Variants in ZFP64 observed in about 807,000 individuals in gnomAD.
ZFP64 encodes the protein ZFP64 zinc finger protein.
A neutral mutation model predicts 51.6 loss-of-function variants in ZFP64; 14 were observed. The ratio of observed to expected loss-of-function variants is 0.27; its 90% CI spans 0.18 to 0.42. The LOEUF is 0.42. ZFP64 is among the 10% of genes least tolerant of loss of function. The pLI, the probability that ZFP64 is intolerant of heterozygous loss-of-function variation, is 1.00. For missense variants in ZFP64, 754 were observed against 906.8 expected (o/e 0.83, Z 2.16); for synonymous variants, 375 against 361.4 (o/e 1.04, Z -0.43).
At chr20:52,157,239 C>A (rs769641983) in intron 5 of ZFP64, among the ~76,000 whole-genome samples, 1 of 152,158 alleles carries the variant, frequency 6.6e-6, no homozygotes, top group Non-Finnish European at 1.5e-5. Flanking sequence ...CTAAAACCCA[C>A]AGAAGGTTAA....
intron 5 of ZFP64, chr20:52,110,263 T>C: frequency 3.1e-6 from 1 of 322,412 alleles, no homozygotes; most frequent in Non-Finnish European, 5.6e-6. Context: ...ACCCCTTATA[T>C]TTCACAAAGG....
rs2123002230 is a variant in ZFP64, at chr20:52,160,805, C to T, written c.512-431G>A. Reference sequence around the variant, plus strand: ...CTCACCAGGGAAAGATTACACTTCTCAGCCTCGCCTGCAGCTAGCTGTGAT... The same window carrying T: ...CTCACCAGGGAAAGATTACACTTCTTAGCCTCGCCTGCAGCTAGCTGTGAT... On this transcript the variant is annotated intron_variant, in intron 4 of 5. Transcript: ENST00000216923. The surrounding 1 kb of genome is among the most constrained non-coding windows in gnomAD (Gnocchi z 4.2). Among the ~76,000 whole-genome samples the T allele has an allele frequency of 6.6e-6, 1 of 152,328 alleles. No individual in the cohort carries two copies. Among genetic ancestry groups the T allele is most frequent in the South Asian group, 2.1e-4 (1 of 4,826 alleles).
intron 5 of ZFP64, among the ~76,000 whole-genome samples, chr20:52,122,971 C>T (rs1169592871): frequency 6.8e-6 from 1 of 147,658 alleles, no homozygotes; most frequent in Non-Finnish European, 1.5e-5. Flanking sequence ...GATAAAGTAG[C>T]AGCAGGGTTT....
At chr20:52,140,644 C>A (rs1261780624) in intron 5 of ZFP64, among the ~76,000 whole-genome samples, 2 of 152,300 alleles carry the variant, frequency 1.3e-5, no homozygotes, top group South Asian at 2.1e-4. Flanking sequence ...AAGAAAGAAG[C>A]CATCTCCACA....
chr20:52,099,348 C>G (rs1727346784), intron 5 of ZFP64, among the ~76,000 whole-genome samples: 1 of 151,134 alleles, frequency 6.6e-6, no homozygotes, highest in Admixed American at 6.6e-5. Flanking sequence ...GATGCTTACT[C>G]TGGATTTCTG....
At chr20:52,150,225 T>C (rs1568677627), downstream of ZFP64, among the ~76,000 whole-genome samples, 2 of 149,488 alleles carry the variant, frequency 1.3e-5, no homozygotes, top group African/African-American at 4.9e-5. Context: ...AAAAGACTGA[T>C]AGGAAGTCCA....
At chr20:52,173,006 G>A (rs548296577) in intron 2 of ZFP64, among the ~76,000 whole-genome samples, 1 of 152,196 alleles carries the variant, frequency 6.6e-6, no homozygotes, top group East Asian at 1.9e-4. Flanking sequence ...ACTGTTATAT[G>A]AATTTCATGA....
intron 6 of ZFP64, among the ~76,000 whole-genome samples, chr20:52,098,141 C>G (rs1430501816): frequency 1.4e-5 from 2 of 147,916 alleles, no homozygotes; most frequent in African/African-American, 5.1e-5. Flanking sequence ...CCATTGCACT[C>G]CAGCCTGGGC....
At position 52,152,373 on chromosome 20, in the gene ZFP64, A is replaced by T. The variant is rs1980888344; in HGVS notation, c.1819T>A (p.Ser607Thr). ...GSGNQTFITS[S>T]GITCTDFEGL... is the part of the protein sequence containing the mutation. Reference sequence around the variant, plus strand: ...TCAAAGTCAGTGCAAGTAATACCCGAACTGGTAATGAAAGTTTGATTGCCA... The same window carrying T: ...TCAAAGTCAGTGCAAGTAATACCCGTACTGGTAATGAAAGTTTGATTGCCA... Residue 607 changes from serine to threonine, a missense_variant, in exon 6 of 6, where the codon TCG becomes ACG. Physicochemically the swap from Ser to Thr is moderately conservative, Grantham distance 58. Coordinates refer to ENST00000216923, the MANE Select transcript of ZFP64 (RefSeq NM_018197.3). 1 of 1,614,058 alleles carries T rather than the reference A, an allele frequency of 6.2e-7. No individual in the cohort carries two copies. Among genetic ancestry groups the T allele is most frequent in the Non-Finnish European group, 8.5e-7 (1 of 1,180,040 alleles).
intron 5 of ZFP64, among the ~76,000 whole-genome samples, chr20:52,108,711 T>C (rs953258392): frequency 1.3e-5 from 2 of 152,134 alleles, no homozygotes; most frequent in African/African-American, 4.8e-5. Flanking sequence ...GTTTTCACCA[T>C]GTCGGCCAGG....
chr20:52,088,355 A>T lies in ZFP64; in HGVS notation c.1228+37T>A, dbSNP rs769133483. The T allele has an allele frequency of 8.8e-6, 14 of 1,599,546 alleles. No individual in the cohort carries two copies. In the African/African-American group the frequency reaches 1.6e-4, roughly 18 times the overall value. On this transcript the variant is annotated intron_variant, in intron 8 of 8. Transcript: ENST00000361387. ...AAATGAAGGTTAAGAAATTAGAGAA[A>T]AAGTAAGGGATTGAGGTTTCCTGGT...
chr20:52,187,118 G>T, intron 1 of ZFP64, 47 bp from the exon 2 acceptor site: 1 of 1,567,076 alleles, frequency 6.4e-7, no homozygotes, highest in East Asian at 2.3e-5. Flanking sequence ...AAACAGCTTT[G>T]AATTGTAATG....
intron 2 of ZFP64, among the ~76,000 whole-genome samples, chr20:52,176,202 G>C (rs1007741363): frequency 4.6e-5 from 7 of 151,980 alleles, no homozygotes; most frequent in Non-Finnish European, 2.9e-5. Context: ...CCAAGAGTCC[G>C]AGTCCAACCT....
At chr20:52,102,472 A>G (rs1417083509) in intron 5 of ZFP64, among the ~76,000 whole-genome samples, 3 of 152,090 alleles carry the variant, frequency 2.0e-5, no homozygotes, top group African/African-American at 4.8e-5. Context: ...GCAGGACTGG[A>G]AGTTTTCAGC....
intron 7 of ZFP64, among the ~76,000 whole-genome samples, chr20:52,090,454 C>G (rs2208006): frequency 0.76 from 116,153 of 152,026 alleles, 44,394 homozygotes; most frequent in East Asian, 0.9. Flanking sequence ...TGAGAAAATA[C>G]TACAATGGAA....
At chr20:52,165,577 C>A in intron 3 of ZFP64, 1 of 593,090 alleles carries the variant, frequency 1.7e-6, no homozygotes. Flanking sequence ...TACTGGATAT[C>A]TTCCTAAGCT....
chr20:52,142,380 A>ACACACACACACACGCG (rs1177138816), intron 5 of ZFP64, among the ~76,000 whole-genome samples: 838 of 81,470 alleles, frequency 0.01, 8 homozygotes, highest in African/African-American at 0.032. Context: ...ACACACAGAC[A>ACACACACACACACGCG]CACACACACA....
At chr20:52,131,403 A>C (rs1448346491) in intron 5 of ZFP64, among the ~76,000 whole-genome samples, 2 of 152,172 alleles carry the variant, frequency 1.3e-5, no homozygotes, top group African/African-American at 4.8e-5. Flanking sequence ...TAAATGAACT[A>C]AAGTCTCCAA....
At chr20:52,174,826 G>A (rs980288452) in intron 2 of ZFP64, among the ~76,000 whole-genome samples, 1 of 151,996 alleles carries the variant, frequency 6.6e-6, no homozygotes, top group African/African-American at 2.4e-5. Context: ...TTATTACTTG[G>A]TGATTATATA....
Sources: allele counts gnomAD v4.1 joint callset (sites outside exome capture counted in the v4.1 genomes callset), GRCh38; gene constraint gnomAD v4.1.1; non-coding constraint Gnocchi (gnomAD v3.1); transcripts MANE v1.5; gene names NCBI Gene and HGNC (gene_info 2026-07-23, HGNC 2026-07-21).